Variants in P3H2 observed in about 807,000 individuals in gnomAD.
P3H2 encodes leprecan-like 1.
In P3H2, 80 loss-of-function variants were observed where a neutral mutation model predicts 87.0. That is an observed-to-expected ratio of 0.92 (90% confidence interval 0.77 to 1.11). The LOEUF is 1.11. Among genes scored for constraint, P3H2 ranks in the 50% least tolerant of loss-of-function variants. The pLI, the probability that P3H2 is intolerant of heterozygous loss-of-function variation, is 0.00. For missense variants in P3H2, 1,001 were observed against 923.9 expected (o/e 1.08, Z -1.08); for synonymous variants, 367 against 359.3 (o/e 1.02, Z -0.24).
chr3:190,050,720 C>A (rs1200810103), intron 1 of P3H2, among the ~76,000 whole-genome samples: 1 of 152,116 alleles, frequency 6.6e-6, no homozygotes, highest in African/African-American at 2.4e-5. Flanking sequence ...AGAGACTGTG[C>A]TTTATAATAA....
At chr3:189,966,617 A>C (rs1723015584) in intron 13 of P3H2, among the ~76,000 whole-genome samples, 1 of 152,318 alleles carries the variant, frequency 6.6e-6, no homozygotes, top group South Asian at 2.1e-4. Flanking sequence ...TATGTTATGA[A>C]GTTTGGATAA....
intron 1 of P3H2, among the ~76,000 whole-genome samples, chr3:190,029,266 C>T (rs1209794216): frequency 6.6e-6 from 1 of 152,124 alleles, no homozygotes; most frequent in Non-Finnish European, 1.5e-5. Flanking sequence ...AGGTGAAATT[C>T]TTATTTAGTC....
At chr3:189,993,100 A>ATT (rs1723932583) in intron 3 of P3H2, among the ~76,000 whole-genome samples, 1 of 152,068 alleles carries the variant, frequency 6.6e-6, no homozygotes, top group South Asian at 2.1e-4. Context: ...AGGTGGGCGG[A>ATT]TTACCTGAGG....
chr3:189,973,142 G>A, intron 10 of P3H2, 118 bp from the exon 11 acceptor site: 1 of 850,088 alleles, frequency 1.2e-6, no homozygotes, highest in Non-Finnish European at 1.8e-6. Context: ...GACTAATGGG[G>A]AAGGCTACTA....
intron 1 of P3H2, among the ~76,000 whole-genome samples, chr3:190,062,881 G>A (rs1203373726): frequency 2.0e-5 from 3 of 152,096 alleles, no homozygotes; most frequent in African/African-American, 7.2e-5. Flanking sequence ...GAACTGGTGG[G>A]AACAGAATAC....
chr3:190,051,214 A>G (rs1725970730), intron 1 of P3H2, among the ~76,000 whole-genome samples: 1 of 152,220 alleles, frequency 6.6e-6, no homozygotes, highest in African/African-American at 2.4e-5. Flanking sequence ...AATAGCTGGG[A>G]GGTTACTCTG....
chr3:190,079,579 T>C lies in P3H2; in HGVS notation c.480+40673A>G, dbSNP rs114040665. On this transcript the variant is annotated intron_variant, in intron 1 of 14. Coordinates refer to ENST00000319332, the MANE Select transcript of P3H2 (RefSeq NM_018192.4). ...AACCTTATTTTCTTAATACCTGATA[T>C]TTATGAATTGAAAGTCCACTAATGT... 3.0e-3 allele frequency among the ~76,000 whole-genome samples: 455 copies of C among 152,256 alleles called. 5 individuals are homozygous for C. Among genetic ancestry groups the C allele is most frequent in the African/African-American group, 0.01 (426 of 41,538 alleles).
At chr3:189,971,525 G>C (rs1031523418) in intron 12 of P3H2, 2 of 289,222 alleles carry the variant, frequency 6.9e-6, no homozygotes, top group Non-Finnish European at 1.3e-5. Flanking sequence ...AAAGATAATT[G>C]ATGTGATAAA....
chr3:190,113,879 C>T (rs921793677), intron 1 of P3H2, among the ~76,000 whole-genome samples: 3 of 151,960 alleles, frequency 2.0e-5, no homozygotes, highest in Admixed American at 2.0e-4. Flanking sequence ...AGTTCGAGAC[C>T]ATCCTGGCTA....
rs1225675746 is a variant in P3H2, at chr3:189,964,127, C to CA, written c.1894-30dup. 2.5e-6 allele frequency: 4 copies of CA among 1,605,916 alleles called. No homozygotes were observed. The South Asian group carries it at 3.3e-5, about 13-fold the overall frequency. ...AGAAAGAAAGCAAAAATTAGACTTT[C>CA]AATTGTTGTATCATAAACATTTCCA... On this transcript the variant is annotated intron_variant, in intron 13 of 14. Transcript: ENST00000319332.
At chr3:190,032,343 A>G (rs1725280653) in intron 1 of P3H2, among the ~76,000 whole-genome samples, 1 of 152,154 alleles carries the variant, frequency 6.6e-6, no homozygotes, top group Admixed American at 6.6e-5. Context: ...TTGCCTTAGG[A>G]GCCTGAATAT....
intron 1 of P3H2, among the ~76,000 whole-genome samples, chr3:190,045,995 C>T (rs1362748212): frequency 4.6e-5 from 7 of 151,990 alleles, no homozygotes; most frequent in Admixed American, 1.3e-4. Context: ...TGGTGGCGGG[C>T]GCCTGTGGTC....
rs967164258 is a variant in P3H2, at chr3:189,957,089, C to G, written c.*823G>C. The G allele has an allele frequency of 2.5e-6, 1 of 398,388 alleles. No homozygotes were observed. The highest frequency in any genetic ancestry group is 4.4e-6 in the Non-Finnish European group (1 of 226,098). 24.7% of individuals were successfully genotyped at this position (398,388 alleles called of 1,614,324 possible). A position where few individuals can be genotyped will look rare whatever the true frequency, so the allele number is the denominator to read the frequency against. On this transcript the variant is annotated 3_prime_UTR_variant, in exon 15 of 15. Coordinates refer to ENST00000319332, the MANE Select transcript of P3H2 (RefSeq NM_018192.4). ...CTTCCAGTGTAAGTTTATTGTCTGG[C>G]GAAAACACCAGAGCCAAAAATTCCA...
At chr3:190,010,922 T>G (rs1270849774) in intron 1 of P3H2, among the ~76,000 whole-genome samples, 2 of 152,236 alleles carry the variant, frequency 1.3e-5, no homozygotes, top group East Asian at 3.8e-4. Context: ...GTATTCTAAC[T>G]TTTAATCCAG....
chr3:190,026,306 G>A (rs189900468), intron 1 of P3H2, among the ~76,000 whole-genome samples: 5 of 152,190 alleles, frequency 3.3e-5, no homozygotes, highest in South Asian at 2.1e-4. Context: ...CTGGGTAAAA[G>A]GAGCCTGAGG....
chr3:189,971,081 A>G (rs1349647842), intron 12 of P3H2, among the ~76,000 whole-genome samples, 190 bp from the exon 13 acceptor site: 1 of 152,228 alleles, frequency 6.6e-6, no homozygotes, highest in Admixed American at 6.5e-5. Flanking sequence ...ACCTCTGAAG[A>G]GTTTACTTAT....
chr3:190,115,338 C>G (rs1388850524), intron 1 of P3H2, among the ~76,000 whole-genome samples: 2 of 148,064 alleles, frequency 1.4e-5, no homozygotes, highest in East Asian at 3.9e-4. Context: ...AGAAACAAAA[C>G]AAGCAGGGGC....
intron 1 of P3H2, among the ~76,000 whole-genome samples, chr3:190,119,288 C>A (rs1712438165): frequency 1.3e-5 from 2 of 151,946 alleles, no homozygotes; most frequent in South Asian, 4.2e-4. Context: ...AACAACCAAC[C>A]CCAAAGCTTC....
At chr3:190,048,814 A>C (rs2108959524) in intron 1 of P3H2, among the ~76,000 whole-genome samples, 1 of 152,284 alleles carries the variant, frequency 6.6e-6, no homozygotes, top group African/African-American at 2.4e-5. Context: ...TAAACACTAA[A>C]AATAAATAGA....
Sources: gnomAD v4.1 joint callset for allele counts (sites outside exome capture counted in the v4.1 genomes callset) on GRCh38, gnomAD v4.1.1 for gene constraint, MANE v1.5 for transcripts, NCBI Gene and HGNC (gene_info 2026-07-23, HGNC 2026-07-21) for gene names.